Variants in PDE7B observed in about 807,000 individuals in gnomAD.
The protein encoded by PDE7B is 3',5'-cyclic-AMP phosphodiesterase 7B.
In PDE7B, 29 loss-of-function variants were observed where a neutral mutation model predicts 56.2. The ratio of observed to expected loss-of-function variants is 0.52; its 90% CI spans 0.38 to 0.70. The LOEUF is 0.70. PDE7B is among the 30% of genes least tolerant of loss of function. The pLI, the probability that PDE7B is intolerant of heterozygous loss-of-function variation, is 0.00. For synonymous variants in PDE7B, 197 were observed against 196.9 expected (o/e 1.00, Z 0.00); for missense variants, 490 against 565.0 (o/e 0.87, Z 1.35).
At chr6:136,140,817 T>C (rs1174605616) in intron 3 of PDE7B, among the ~76,000 whole-genome samples, 2 of 152,226 alleles carry the variant, frequency 1.3e-5, no homozygotes, top group African/African-American at 2.4e-5. Context: ...ATTGATTTTG[T>C]ATCCTGAGAC....
chr6:135,865,220 A>C (rs1411150458), intron 1 of PDE7B, among the ~76,000 whole-genome samples: 1 of 152,022 alleles, frequency 6.6e-6, no homozygotes. Flanking sequence ...CTCCAGTTAC[A>C]TGTATGTTCG....
intron 2 of PDE7B, among the ~76,000 whole-genome samples, chr6:136,013,760 G>A (rs980743317): frequency 1.5e-4 from 23 of 152,202 alleles, no homozygotes; most frequent in African/African-American, 4.8e-4. Flanking sequence ...GGAATAATGG[G>A]CAGTAGGGTT....
intron 2 of PDE7B, among the ~76,000 whole-genome samples, chr6:135,981,392 A>T (rs1230366434): frequency 6.6e-6 from 1 of 151,830 alleles, no homozygotes; most frequent in Non-Finnish European, 1.5e-5. Flanking sequence ...TATGTAACTA[A>T]CCTGTACATT....
At chr6:135,927,894 A>G (rs1448177517) in intron 1 of PDE7B, among the ~76,000 whole-genome samples, 3 of 152,218 alleles carry the variant, frequency 2.0e-5, no homozygotes, top group Non-Finnish European at 2.9e-5. Context: ...TATGCACCCA[A>G]CAAAGGTCTA....
At chr6:136,002,486 A>AG (rs1775689688) in intron 2 of PDE7B, among the ~76,000 whole-genome samples, 1 of 152,206 alleles carries the variant, frequency 6.6e-6, no homozygotes, top group African/African-American at 2.4e-5. Flanking sequence ...CATAGGATCA[A>AG]AATAAAAGGA....
chr6:136,180,894 T>G (rs970162673), intron 10 of PDE7B, among the ~76,000 whole-genome samples: 1 of 152,184 alleles, frequency 6.6e-6, no homozygotes, highest in Admixed American at 6.5e-5. Flanking sequence ...CCAGGGACCA[T>G]GCAACCTCCC....
chr6:135,885,640 G>T (rs1038833972), intron 1 of PDE7B, among the ~76,000 whole-genome samples: 4 of 152,112 alleles, frequency 2.6e-5, no homozygotes, highest in African/African-American at 9.7e-5. Context: ...AAGCTTTGAA[G>T]AAGAGGAAAA....
intron 2 of PDE7B, among the ~76,000 whole-genome samples, chr6:135,973,925 G>T (rs944172589): frequency 3.9e-5 from 6 of 152,116 alleles, no homozygotes; most frequent in African/African-American, 1.4e-4. Context: ...TGCTATTCAT[G>T]CCCCCACTCA....
intron 8 of PDE7B, chr6:136,156,161 AAG>A (rs1491562781): frequency 2.9e-5 from 7 of 240,240 alleles, no homozygotes; most frequent in Middle Eastern, 1.4e-3. Context: ...AGAATGATCC[AAG>A]TGTGTGTGTG....
chr6:136,194,317 T>C lies in PDE7B; in HGVS notation c.*2477T>C, dbSNP rs142278799. On this transcript the variant is annotated 3_prime_UTR_variant, in exon 13 of 13. Transcript: ENST00000308191. ...TAAATGAGATTGGAGGTATTCTTAG[T>C]AGTTCTGAGTTGATAGTTTACATTA... The C allele has an allele frequency of 1.3e-4, 20 of 152,260 alleles. No individual in the cohort carries two copies. Among genetic ancestry groups the C allele is most frequent in the African/African-American group, 4.8e-4 (20 of 41,548 alleles). 9.4% of individuals were successfully genotyped at this position (152,260 alleles called of 1,614,324 possible).
chr6:136,093,220 G>T (rs372236592), intron 2 of PDE7B, among the ~76,000 whole-genome samples: 36 of 152,186 alleles, frequency 2.4e-4, no homozygotes, highest in African/African-American at 7.5e-4. Flanking sequence ...CACAGTGGAG[G>T]TCTGACTTGG....
In PDE7B at chr6:135,934,743, T is replaced by A. The variant is rs1315453087; in HGVS notation, c.22-12721T>A. ...AAACTCTGTCTCAAAAAAAAAAATA[T>A]ATATATATATATTTTTTAAATATAT... On this transcript the variant is annotated intron_variant, in intron 1 of 12. Transcript: ENST00000308191. Among the ~76,000 whole-genome samples, 92 of 116,984 alleles carry A rather than the reference T, an allele frequency of 7.9e-4. 1 individual carries two copies. Among genetic ancestry groups the A allele is most frequent in the East Asian group, 2.5e-3 (11 of 4,362 alleles). The allele number at this position is 116,984 out of a possible 152,430, so 76.7% of individuals were successfully genotyped here. A position where few individuals can be genotyped will look rare whatever the true frequency, so the allele number is the denominator to read the frequency against.
intron 2 of PDE7B, among the ~76,000 whole-genome samples, chr6:136,088,961 G>A (rs1473650693): frequency 6.6e-6 from 1 of 151,114 alleles, no homozygotes; most frequent in Admixed American, 6.6e-5. Context: ...TCTTCCTCAG[G>A]TTCCCATCCC....
chr6:135,978,454 C>T (rs1775230487), intron 2 of PDE7B, among the ~76,000 whole-genome samples: 1 of 152,020 alleles, frequency 6.6e-6, no homozygotes, highest in Non-Finnish European at 1.5e-5. Context: ...AAACACTGTA[C>T]ACTTAGGCTA....
At position 136,011,648 on chromosome 6, in the gene PDE7B, G is replaced by T. The variant is rs149140517; in HGVS notation, c.82+64124G>T. 1.9e-4 allele frequency among the ~76,000 whole-genome samples: 29 copies of T among 152,258 alleles called. No homozygotes were observed. In the East Asian group the frequency reaches 5.0e-3, roughly 26 times the overall value. On this transcript the variant is annotated intron_variant, in intron 2 of 12. Transcript: ENST00000308191. The stretch of plus-strand genomic sequence containing the variant: ...AGAGGTTTAATGTGGACTAATCAGT[G>T]CAGGGAAGCATCCCAGTATGTGTAT...
chr6:136,132,036 G>A (rs1471152716), intron 3 of PDE7B, among the ~76,000 whole-genome samples: 2 of 151,940 alleles, frequency 1.3e-5, no homozygotes, highest in Non-Finnish European at 2.9e-5. Context: ...TACTTTTTAT[G>A]TGGTAAATAA....
intron 2 of PDE7B, among the ~76,000 whole-genome samples, chr6:135,988,278 T>C (rs1775417268): frequency 6.6e-6 from 1 of 151,986 alleles, no homozygotes; most frequent in South Asian, 2.1e-4. Flanking sequence ...CGTGTGGAAT[T>C]AGTGAAAGTT....
chr6:136,105,641 T>C (rs532654), intron 2 of PDE7B, among the ~76,000 whole-genome samples: 127,448 of 152,134 alleles, frequency 0.84, 53,983 homozygotes, highest in African/African-American at 0.96. Context: ...GTGATGTAGA[T>C]AAAATTGCTA....
chr6:136,056,201 G>A (rs1006492854), intron 2 of PDE7B, among the ~76,000 whole-genome samples: 1 of 152,170 alleles, frequency 6.6e-6, no homozygotes, highest in African/African-American at 2.4e-5. Context: ...GGTCAAGGTC[G>A]ACAGTTGCTA....
Sources: allele counts gnomAD v4.1 joint callset (sites outside exome capture counted in the v4.1 genomes callset), GRCh38; gene constraint gnomAD v4.1.1; transcripts MANE v1.5; gene names NCBI Gene and HGNC (gene_info 2026-07-23, HGNC 2026-07-21).